Variants in LHFPL3 observed in about 807,000 individuals in gnomAD.
The protein encoded by LHFPL3 is LHFPL tetraspan subfamily member 3, also known as LHFPL tetraspan subfamily member 3 protein.
Under a neutral mutation model 19.3 loss-of-function variants are expected in LHFPL3, and 5 were observed. That is an observed-to-expected ratio of 0.26 (90% CI 0.14 to 0.54). LHFPL3 has a LOEUF of 0.54. LHFPL3 is among the 20% of genes least tolerant of loss of function. The probability of loss-of-function intolerance (pLI) is 0.94; values close to 1 mark genes in which losing one functional copy is unlikely to be tolerated. For missense variants in LHFPL3, 249 were observed against 307.4 expected, an observed-to-expected ratio of 0.81 and a Z score of 1.42; for synonymous variants, 133 against 126.2, an observed-to-expected ratio of 1.05 and a Z score of -0.36.
At chr7:104,710,301 C>A (rs1356406468) in intron 1 of LHFPL3, among the ~76,000 whole-genome samples, 1 of 152,238 alleles carries the variant, frequency 6.6e-6, no homozygotes, top group East Asian at 1.9e-4. Context: ...CCATGTACTG[C>A]AACATGAATA....
chr7:104,840,900 A>C (rs928953879), intron 2 of LHFPL3, among the ~76,000 whole-genome samples: 2 of 151,808 alleles, frequency 1.3e-5, no homozygotes, highest in African/African-American at 2.4e-5. Context: ...ATAGAAACAT[A>C]AAGGTTGTCT....
Position 104,342,996 on chromosome 7 carries a change from C to CTTTT in LHFPL3, c.445+13784_445+13787dup, listed in dbSNP as rs10668194. On this transcript the variant is annotated intron_variant, in intron 1 of 2. Transcript: ENST00000424859. ...CTTTTGCATATTATTAAAGAATTGACTTTTTTTTTTTTTTTGCAAATTCTC... is the reference window on the plus strand; with the variant it reads ...CTTTTGCATATTATTAAAGAATTGACTTTTTTTTTTTTTTTTTTTGCAAATTCTC... 9.7e-3 allele frequency among the ~76,000 whole-genome samples: 1,363 copies of CTTTT among 140,934 alleles called. 20 individuals carry two copies. Among genetic ancestry groups the CTTTT allele is most frequent in the African/African-American group, 0.03 (1,139 of 38,042 alleles). The allele number at this position is 140,934 out of a possible 152,430, so 92.5% of individuals were successfully genotyped here. A position where few individuals can be genotyped will look rare whatever the true frequency, so the allele number is the denominator to read the frequency against.
intron 1 of LHFPL3, among the ~76,000 whole-genome samples, chr7:104,586,713 C>A (rs1388000870): frequency 6.6e-6 from 1 of 152,110 alleles, no homozygotes; most frequent in Non-Finnish European, 1.5e-5. Flanking sequence ...TTATAGAAGG[C>A]AGCCACAACA....
At chr7:104,768,527 C>G (rs1398412053) in intron 2 of LHFPL3, 1 of 152,082 alleles carries the variant, frequency 6.6e-6, no homozygotes, top group Non-Finnish European at 1.5e-5. Flanking sequence ...TTCTAAGGAC[C>G]CTTAGTGTCC....
At chr7:104,503,440 T>C (rs1793639733) in intron 1 of LHFPL3, among the ~76,000 whole-genome samples, 1 of 152,240 alleles carries the variant, frequency 6.6e-6, no homozygotes, top group Non-Finnish European at 1.5e-5. Context: ...ACAATGAATG[T>C]TTGTTTATAT....
intron 2 of LHFPL3, among the ~76,000 whole-genome samples, chr7:104,775,105 T>C (rs1168258530): frequency 6.6e-6 from 1 of 152,200 alleles, no homozygotes; most frequent in East Asian, 1.9e-4. Flanking sequence ...CAATTAAATA[T>C]AGCTGACTGG....
At chr7:104,823,733 C>T (rs2116530739) in intron 2 of LHFPL3, among the ~76,000 whole-genome samples, 1 of 152,258 alleles carries the variant, frequency 6.6e-6, no homozygotes, top group African/African-American at 2.4e-5. Context: ...CAATTTCTCG[C>T]TCCGCTTCAA....
intron 2 of LHFPL3, among the ~76,000 whole-genome samples, chr7:104,764,318 G>A (rs1443853827): frequency 2.0e-5 from 3 of 152,096 alleles, no homozygotes; most frequent in African/African-American, 4.8e-5. Context: ...ACAGGCTCCC[G>A]CCACCATGCC....
intron 1 of LHFPL3, among the ~76,000 whole-genome samples, chr7:104,397,665 A>G (rs1261054721): frequency 1.3e-5 from 2 of 152,172 alleles, no homozygotes; most frequent in African/African-American, 2.4e-5. Context: ...CTTACTCTCC[A>G]GCAGCCCGCT....
In LHFPL3 at chr7:104,440,040, G is replaced by C. The variant is rs534183220; in HGVS notation, c.445+110816G>C. ...TTACTATATAATACAAAGCCTGGGGGGGGGGAGGGATAGCATTAGGAGATA... is the reference window on the plus strand; with the variant it reads ...TTACTATATAATACAAAGCCTGGGGCGGGGGAGGGATAGCATTAGGAGATA... On this transcript the variant is annotated intron_variant, in intron 1 of 2. Transcript: ENST00000424859. 2.6e-4 allele frequency among the ~76,000 whole-genome samples: 37 copies of C among 143,634 alleles called. 3 individuals carry two copies. The highest frequency in any genetic ancestry group is 1.6e-3 in the South Asian group (7 of 4,328). 94.2% of individuals were successfully genotyped at this position (143,634 alleles called of 152,430 possible).
chr7:104,510,976 AT>A (rs1793801722), intron 1 of LHFPL3, among the ~76,000 whole-genome samples: 2 of 152,156 alleles, frequency 1.3e-5, no homozygotes, highest in Admixed American at 1.3e-4. Context: ...GGGTGATGAA[AT>A]AATCTGTACA....
At chr7:104,396,028 T>A (rs905817890) in intron 1 of LHFPL3, among the ~76,000 whole-genome samples, 1 of 152,100 alleles carries the variant, frequency 6.6e-6, no homozygotes, top group African/African-American at 2.4e-5. Flanking sequence ...GAAGGACGCT[T>A]TGGAAGATCA....
chr7:104,759,393 A>G (rs1470616962), intron 2 of LHFPL3, among the ~76,000 whole-genome samples: 2 of 152,202 alleles, frequency 1.3e-5, no homozygotes, highest in African/African-American at 4.8e-5. Flanking sequence ...AGGTGAAATT[A>G]ATTTTAATAA....
chr7:104,640,702 G>T (rs575267604), intron 1 of LHFPL3, among the ~76,000 whole-genome samples: 82 of 152,258 alleles, frequency 5.4e-4, no homozygotes, highest in Non-Finnish European at 8.2e-4. Context: ...ATGCGAGATG[G>T]TATCTCATTG....
chr7:104,886,001 A>G (rs374203348), intron 2 of LHFPL3, among the ~76,000 whole-genome samples: 1 of 152,128 alleles, frequency 6.6e-6, no homozygotes, highest in Non-Finnish European at 1.5e-5. Context: ...TCCTTCAGGG[A>G]AAGTGTCCCT....
intron 1 of LHFPL3, among the ~76,000 whole-genome samples, chr7:104,339,955 G>T (rs1326691899): frequency 1.3e-5 from 2 of 152,134 alleles, no homozygotes; most frequent in Non-Finnish European, 2.9e-5. Context: ...GCTTATTGAT[G>T]GTGGTGGTGA....
intron 1 of LHFPL3, among the ~76,000 whole-genome samples, chr7:104,499,279 A>G (rs1212735873): frequency 2.6e-5 from 4 of 152,246 alleles, no homozygotes; most frequent in African/African-American, 9.6e-5. Flanking sequence ...CTATTTGCTC[A>G]TTTGCAAAAT....
chr7:104,878,908 A>C (rs1791996474), intron 2 of LHFPL3, among the ~76,000 whole-genome samples: 1 of 152,206 alleles, frequency 6.6e-6, no homozygotes, highest in Non-Finnish European at 1.5e-5. Context: ...TAGACAACTA[A>C]AACTTTTTCT....
intron 1 of LHFPL3, among the ~76,000 whole-genome samples, chr7:104,577,522 A>G (rs552643936): frequency 2.0e-5 from 3 of 152,312 alleles, no homozygotes; most frequent in South Asian, 2.1e-4. Context: ...AGTTGTTTAT[A>G]GATAAATGCC....
Sources: gnomAD v4.1 joint callset for allele counts (sites outside exome capture counted in the v4.1 genomes callset) on GRCh38, gnomAD v4.1.1 for gene constraint, MANE v1.5 for transcripts, NCBI Gene and HGNC (gene_info 2026-07-23, HGNC 2026-07-21) for gene names.